Variants in RORA observed in about 807,000 individuals in gnomAD.
The protein encoded by RORA is RAR related orphan receptor A.
In RORA, 7 loss-of-function variants were observed where a neutral mutation model predicts 69.5. The observed-to-expected ratio is 0.10, with a 90% CI of 0.06 to 0.19. The LOEUF is 0.19. Among genes scored for constraint, RORA ranks in the 10% least tolerant of loss-of-function variants. RORA has a pLI of 1.00. For missense variants in RORA, 457 were observed against 663.0 expected, an observed-to-expected ratio of 0.69 and a Z score of 3.41; for synonymous variants, 261 against 240.8, an observed-to-expected ratio of 1.08 and a Z score of -0.78.
chr15:60,499,577 T>C (rs1039829347), intron 10 of RORA, among the ~76,000 whole-genome samples: 1 of 152,224 alleles, frequency 6.6e-6, no homozygotes, highest in African/African-American at 2.4e-5. Flanking sequence ...TTACAGTTTA[T>C]GTCAGTGCAG....
chr15:61,122,205 G>C (rs1272739985), intron 1 of RORA, among the ~76,000 whole-genome samples: 1 of 152,150 alleles, frequency 6.6e-6, no homozygotes, highest in African/African-American at 2.4e-5. Flanking sequence ...AAAAGTTCGG[G>C]AAGACATTAT....
At chr15:60,520,808 T>G (rs1439822844) in intron 3 of RORA, among the ~76,000 whole-genome samples, 2 of 152,190 alleles carry the variant, frequency 1.3e-5, no homozygotes, top group African/African-American at 4.8e-5. Context: ...AAAGATAAGC[T>G]AACAAATTAC....
chr15:61,158,610 T>G (rs1365624146), intron 1 of RORA, among the ~76,000 whole-genome samples: 1 of 152,202 alleles, frequency 6.6e-6, no homozygotes, highest in African/African-American at 2.4e-5. Flanking sequence ...AAGTGTCCAC[T>G]TATTTACTGC....
chr15:61,189,856 C>CAAAA (rs71125907), intron 1 of RORA, among the ~76,000 whole-genome samples: 1,084 of 42,856 alleles, frequency 0.025, 424 homozygotes, highest in South Asian at 0.057. Context: ...GACTCTGTCT[C>CAAAA]AAAAAAAAAA....
intron 1 of RORA, among the ~76,000 whole-genome samples, chr15:60,809,581 G>A (rs1166708821): frequency 6.6e-6 from 1 of 152,006 alleles, no homozygotes; most frequent in Non-Finnish European, 1.5e-5. Context: ...CTTCCACGAC[G>A]GAAGATGAGG....
At chr15:60,896,869 G>A (rs1269648628) in intron 1 of RORA, among the ~76,000 whole-genome samples, 1 of 151,888 alleles carries the variant, frequency 6.6e-6, no homozygotes, top group Admixed American at 6.6e-5. Context: ...AAGAGGCTCA[G>A]CTCTATCACT....
intron 2 of RORA, among the ~76,000 whole-genome samples, chr15:60,549,387 T>C (rs980615194): frequency 6.6e-6 from 1 of 151,666 alleles, no homozygotes; most frequent in African/African-American, 2.4e-5. Flanking sequence ...CATGAATTAA[T>C]TTAAGAAACA....
intron 1 of RORA, among the ~76,000 whole-genome samples, chr15:61,089,273 T>A (rs935912067): frequency 2.0e-5 from 3 of 152,116 alleles, no homozygotes; most frequent in Admixed American, 6.6e-5. Context: ...AAGTCCAAGA[T>A]AAGTGGCCAC....
chr15:60,669,631 C>G (rs1218953196), intron 2 of RORA, among the ~76,000 whole-genome samples: 3 of 126,668 alleles, frequency 2.4e-5, no homozygotes, highest in African/African-American at 8.9e-5. Flanking sequence ...TGTTAATACT[C>G]TACTCCAGTC....
intron 1 of RORA, among the ~76,000 whole-genome samples, chr15:61,003,311 C>A (rs1344926875): frequency 6.6e-6 from 1 of 152,120 alleles, no homozygotes; most frequent in Non-Finnish European, 1.5e-5. Context: ...TCTTGAAGGA[C>A]TGAAGAGACT....
intron 1 of RORA, among the ~76,000 whole-genome samples, chr15:60,889,350 CGGGG>C (rs3985706): frequency 0.66 from 90,305 of 136,570 alleles, 28,118 homozygotes; most frequent in African/African-American, 0.77. Flanking sequence ...GGGAGTGGGG[CGGGG>C]GGGGGGGGAA....
At chr15:61,089,727 C>G (rs1167566959) in intron 1 of RORA, among the ~76,000 whole-genome samples, 1 of 152,148 alleles carries the variant, frequency 6.6e-6, no homozygotes, top group Non-Finnish European at 1.5e-5. Context: ...ACAGACCTAT[C>G]CAGCTGCAGC....
intron 5 of RORA, among the ~76,000 whole-genome samples, chr15:60,508,237 C>CTATA (rs2065576735): frequency 6.6e-6 from 1 of 152,130 alleles, no homozygotes; most frequent in Admixed American, 6.5e-5. Flanking sequence ...AGCAGATAAT[C>CTATA]TATAGTCTAC....
Position 61,111,735 on chromosome 15 carries a change from G to A in RORA, c.166+117318C>T, listed in dbSNP as rs141811063. 4.2e-3 allele frequency among the ~76,000 whole-genome samples: 634 copies of A among 152,136 alleles called. 4 individuals are homozygous for A. The highest frequency in any genetic ancestry group is 0.014 in the African/African-American group (597 of 41,486). ...AAAATAAAAATGTTTTAAAAACTAA[G>A]GAAAAAGAATTGGTCTTAATATGCA... On this transcript the variant is annotated intron_variant, in intron 1 of 10. Coordinates refer to ENST00000335670, the MANE Select transcript of RORA (RefSeq NM_134261.3).
Position 60,497,376 on chromosome 15 carries a change from TAA to T in RORA, c.*77_*78del. On this transcript the variant is annotated 3_prime_UTR_variant, in exon 11 of 11. Coordinates refer to ENST00000335670, the MANE Select transcript of RORA (RefSeq NM_134261.3). ...CGCTCCAGGTCTGTGCAGGGCCATATAAAGTGTCTCGGTTAATTTTTTTGTTT... is the reference window on the plus strand; with the variant it reads ...CGCTCCAGGTCTGTGCAGGGCCATATAGTGTCTCGGTTAATTTTTTTGTTT... The T allele has an allele frequency of 7.5e-7, 1 of 1,332,996 alleles. No homozygotes were observed. The allele number at this position is 1,332,996 out of a possible 1,614,324, so 82.6% of individuals were successfully genotyped here.
intron 1 of RORA, among the ~76,000 whole-genome samples, chr15:61,185,971 C>G (rs917507431): frequency 7.2e-5 from 11 of 152,164 alleles, no homozygotes; most frequent in African/African-American, 2.7e-4. Flanking sequence ...CCACCCAGCT[C>G]TAAAGCCACA....
chr15:60,637,581 A>G (rs2069863913), intron 2 of RORA, among the ~76,000 whole-genome samples: 1 of 152,092 alleles, frequency 6.6e-6, no homozygotes, highest in African/African-American at 2.4e-5. Context: ...TCTTGAATTT[A>G]TCTAGGATTT....
intron 1 of RORA, among the ~76,000 whole-genome samples, chr15:60,769,806 T>C (rs1166623063): frequency 1.3e-5 from 2 of 152,186 alleles, no homozygotes; most frequent in African/African-American, 2.4e-5. Context: ...TAGCCACCCA[T>C]TGTCCCCCTC....
At chr15:60,826,077 C>T (rs531250220) in intron 1 of RORA, among the ~76,000 whole-genome samples, 17 of 152,238 alleles carry the variant, frequency 1.1e-4, no homozygotes, top group African/African-American at 4.1e-4. Context: ...GACCGCTTTC[C>T]AAATATGAGG....
Sources: gnomAD v4.1 joint callset for allele counts (sites outside exome capture counted in the v4.1 genomes callset) on GRCh38, gnomAD v4.1.1 for gene constraint, MANE v1.5 for transcripts, NCBI Gene and HGNC (gene_info 2026-07-23, HGNC 2026-07-21) for gene names.